SLC35F4: variants seen among roughly 807,000 people sequenced by gnomAD.
The protein encoded by SLC35F4 is solute carrier family 35 member F4, also known as chromosome 14 open reading frame 36.
SLC35F4 carries 24 observed loss-of-function variants against 44.2 expected under a neutral mutation model. That is an observed-to-expected ratio of 0.54 (90% CI 0.39 to 0.76). The LOEUF (loss-of-function observed/expected upper bound fraction) is 0.76. Among genes scored for constraint, SLC35F4 ranks in the 30% least tolerant of loss-of-function variants. SLC35F4 has a pLI of 0.00. For synonymous variants in SLC35F4, 238 were observed against 223.6 expected, an observed-to-expected ratio of 1.06 and a Z score of -0.57; for missense variants, 562 against 586.1, an observed-to-expected ratio of 0.96 and a Z score of 0.42.
rs147222635 is a variant in SLC35F4, at chr14:57,790,065, T to C, written c.103+75658A>G. ...ACTGAATGGGCAAAAACTGGAAGGA[T>C]TCCCTTTGAAAAGTGGCATAAGACA... On this transcript the variant is annotated intron_variant, in intron 1 of 7. Transcript: ENST00000556826. Among the ~76,000 whole-genome samples the C allele has an allele frequency of 2.8e-4, 42 of 152,330 alleles. No homozygotes were observed. In the East Asian group the frequency reaches 7.7e-3, roughly 28 times the overall value.
At chr14:57,608,371 A>G (rs1175723512) in intron 1 of SLC35F4, among the ~76,000 whole-genome samples, 1 of 152,160 alleles carries the variant, frequency 6.6e-6, no homozygotes, top group Non-Finnish European at 1.5e-5. Context: ...AAAAGGGAAA[A>G]CTTGGGCACA....
chr14:57,829,903 T>G (rs528591687), intron 1 of SLC35F4, among the ~76,000 whole-genome samples: 12 of 152,198 alleles, frequency 7.9e-5, no homozygotes, highest in Non-Finnish European at 1.5e-4. Context: ...AAATCACTCA[T>G]GGTTTTTTAA....
chr14:57,765,184 A>T (rs1348730711), intron 1 of SLC35F4, among the ~76,000 whole-genome samples: 1 of 152,246 alleles, frequency 6.6e-6, no homozygotes, highest in Non-Finnish European at 1.5e-5. Flanking sequence ...ATTTGGGAAA[A>T]TGCATTAATG....
At chr14:57,606,401 T>A (rs2071167759) in intron 1 of SLC35F4, among the ~76,000 whole-genome samples, 1 of 152,240 alleles carries the variant, frequency 6.6e-6, no homozygotes, top group Non-Finnish European at 1.5e-5. Flanking sequence ...GTGCTTATGC[T>A]TGAAATAATA....
chr14:57,935,982 T>C (rs1241354463), intron 1 of SLC35F4, among the ~76,000 whole-genome samples: 1 of 152,254 alleles, frequency 6.6e-6, no homozygotes, highest in Non-Finnish European at 1.5e-5. Flanking sequence ...TGACAGCATC[T>C]TTGCAAAGAT....
intron 1 of SLC35F4, among the ~76,000 whole-genome samples, chr14:57,929,443 GGA>G (rs1050566929): frequency 3.6e-4 from 55 of 151,938 alleles, no homozygotes; most frequent in African/African-American, 1.3e-3. Flanking sequence ...CCTTAGAGCG[GGA>G]GAGAACTTGA....
At chr14:57,694,561 G>A (rs993540092) in intron 1 of SLC35F4, among the ~76,000 whole-genome samples, 1 of 152,068 alleles carries the variant, frequency 6.6e-6, no homozygotes, top group Non-Finnish European at 1.5e-5. Flanking sequence ...TTTCCAGCTT[G>A]TAACTATTTG....
At chr14:57,721,730 G>A (rs10131113) in intron 1 of SLC35F4, among the ~76,000 whole-genome samples, 60,319 of 151,952 alleles carry the variant, frequency 0.4, 12,001 homozygotes, top group Middle Eastern at 0.41. Context: ...TGAAGTGGGG[G>A]ACACTGAGTT....
At chr14:57,766,887 A>T (rs2077248251) in intron 1 of SLC35F4, among the ~76,000 whole-genome samples, 2 of 152,232 alleles carry the variant, frequency 1.3e-5, no homozygotes, top group African/African-American at 2.4e-5. Context: ...GTGATAGATT[A>T]TATAATAAAA....
chr14:57,654,990 C>T (rs940239662), intron 1 of SLC35F4, among the ~76,000 whole-genome samples: 4 of 152,136 alleles, frequency 2.6e-5, no homozygotes, highest in Non-Finnish European at 4.4e-5. Context: ...GCTTTTGATT[C>T]TGTACTCCAG....
chr14:57,655,102 A>T (rs2073920042), intron 1 of SLC35F4, among the ~76,000 whole-genome samples: 1 of 152,104 alleles, frequency 6.6e-6, no homozygotes, highest in South Asian at 2.1e-4. Flanking sequence ...TGTATATCTG[A>T]AGGGTTGAGC....
At chr14:57,630,662 G>A in intron 1 of SLC35F4, 1 of 683,084 alleles carries the variant, frequency 1.5e-6, no homozygotes, top group Non-Finnish European at 2.7e-6. Flanking sequence ...CAAGGTCTTG[G>A]ACTAGTCCTA....
At chr14:57,856,964 TC>T (rs1887162946) in intron 1 of SLC35F4, among the ~76,000 whole-genome samples, 1 of 152,150 alleles carries the variant, frequency 6.6e-6, no homozygotes, top group Middle Eastern at 3.4e-3. Flanking sequence ...TTTATTCTAC[TC>T]TGTGTTTTTT....
chr14:57,756,097 T>C (rs1357298660), intron 1 of SLC35F4, among the ~76,000 whole-genome samples: 1 of 152,248 alleles, frequency 6.6e-6, no homozygotes. Flanking sequence ...CTGACCTTTA[T>C]TATTTCCTGC....
intron 1 of SLC35F4, among the ~76,000 whole-genome samples, chr14:57,617,139 T>TTTTTTTTC (rs1259421993): frequency 7.5e-6 from 1 of 133,064 alleles, no homozygotes; most frequent in Non-Finnish European, 1.6e-5. Context: ...TCTTTTTTTT[T>TTTTTTTTC]TTTTTTTTTG....
chr14:57,667,182 C>T (rs2074338782), intron 1 of SLC35F4, among the ~76,000 whole-genome samples: 2 of 148,514 alleles, frequency 1.3e-5, no homozygotes, highest in South Asian at 2.2e-4. Context: ...GTGTAAATAC[C>T]TGCAAGCATG....
chr14:57,872,219 G>A (rs1320388890), intron 1 of SLC35F4, among the ~76,000 whole-genome samples: 2 of 152,118 alleles, frequency 1.3e-5, no homozygotes, highest in African/African-American at 4.8e-5. Context: ...TTAATCTGCA[G>A]GAAATATATT....
chr14:57,595,663 ATTGT>A (rs1240384669), intron 1 of SLC35F4: 2 of 152,118 alleles, frequency 1.3e-5, no homozygotes, highest in African/African-American at 4.8e-5. Context: ...TCAAACCTGC[ATTGT>A]TTATTATTTC....
At chr14:57,957,787 T>C (rs1890265782) in intron 1 of SLC35F4, among the ~76,000 whole-genome samples, 1 of 152,202 alleles carries the variant, frequency 6.6e-6, no homozygotes, top group Non-Finnish European at 1.5e-5. Context: ...CTGAGGCAAG[T>C]CACTCACTTC....
Sources: allele counts gnomAD v4.1 joint callset (sites outside exome capture counted in the v4.1 genomes callset), GRCh38; gene constraint gnomAD v4.1.1; transcripts MANE v1.5; gene names NCBI Gene and HGNC (gene_info 2026-07-23, HGNC 2026-07-21).